MTAP: variants seen among roughly 807,000 people sequenced by gnomAD.
MTAP encodes S-methyl-5'-thioadenosine phosphorylase.
A neutral mutation model predicts 33.6 loss-of-function variants in MTAP; 33 were observed. The ratio of observed to expected loss-of-function variants is 0.98; its 90% CI spans 0.74 to 1.31. MTAP has a LOEUF of 1.31. MTAP is among the 40% of genes most tolerant of loss of function. The pLI is 0.00. For synonymous variants in MTAP, 148 were observed against 125.7 expected (o/e 1.18, Z -1.19); for missense variants, 367 against 360.0 (o/e 1.02, Z -0.16).
intron 1 of MTAP, among the ~76,000 whole-genome samples, chr9:21,909,018 AAATT>A (rs1818520946): frequency 1.3e-5 from 2 of 152,094 alleles, no homozygotes; most frequent in African/African-American, 4.8e-5. Context: ...CATAACAACA[AAATT>A]TAAGAAGAAA....
intron 1 of MTAP, among the ~76,000 whole-genome samples, chr9:21,897,555 G>T (rs1818317146): frequency 6.6e-6 from 1 of 152,158 alleles, no homozygotes; most frequent in African/African-American, 2.4e-5. Flanking sequence ...AAATCAATGT[G>T]AAAACATCAC....
At chr9:21,869,370 T>G (rs1244729507), downstream of MTAP, among the ~76,000 whole-genome samples, 1 of 152,228 alleles carries the variant, frequency 6.6e-6, no homozygotes, top group African/African-American at 2.4e-5. Flanking sequence ...TTTGATACAC[T>G]TGACCCCTTC....
intron 5 of MTAP, among the ~76,000 whole-genome samples, chr9:21,851,710 T>C (rs1366066922): frequency 6.6e-6 from 1 of 152,190 alleles, no homozygotes; most frequent in East Asian, 1.9e-4. Context: ...CCAAAGGAGA[T>C]TGACATTTGA....
chr9:21,853,691 A>G (rs1281717806), intron 5 of MTAP, among the ~76,000 whole-genome samples: 1 of 152,210 alleles, frequency 6.6e-6, no homozygotes, highest in African/African-American at 2.4e-5. Context: ...AGCTTAGTGC[A>G]TACAGTGTTT....
intron 1 of MTAP, among the ~76,000 whole-genome samples, chr9:21,894,747 A>G (rs1032118095): frequency 1.3e-5 from 2 of 151,682 alleles, no homozygotes; most frequent in African/African-American, 4.9e-5. Flanking sequence ...AAGTGTAATT[A>G]AAAAATATAT....
At chr9:21,897,408 G>A (rs1056544403) in intron 1 of MTAP, among the ~76,000 whole-genome samples, 2 of 152,176 alleles carry the variant, frequency 1.3e-5, no homozygotes, top group African/African-American at 2.4e-5. Context: ...AAGAAATAAA[G>A]GGTATCCAAT....
intron 1 of MTAP, among the ~76,000 whole-genome samples, chr9:21,927,242 T>G (rs1471550115): frequency 2.0e-5 from 3 of 152,196 alleles, no homozygotes; most frequent in Non-Finnish European, 4.4e-5. Flanking sequence ...TTAAAGAACC[T>G]AGACCCAGTA....
chr9:21,921,526 T>C (rs1818787711), intron 1 of MTAP, among the ~76,000 whole-genome samples: 1 of 152,200 alleles, frequency 6.6e-6, no homozygotes. Context: ...ACAGTGGTCA[T>C]TGTAAGAAAG....
intron 7 of MTAP, 102 bp from the exon 8 acceptor site, chr9:21,861,874 C>T (rs1052615203): frequency 3.7e-6 from 3 of 807,110 alleles, no homozygotes; most frequent in East Asian, 4.9e-5. Flanking sequence ...TTTCCTGCGT[C>T]CTCACTTTGA....
At chr9:21,893,741 A>G (rs1818237193) in intron 1 of MTAP, 1 of 152,140 alleles carries the variant, frequency 6.6e-6, no homozygotes, top group Admixed American at 6.5e-5. Context: ...GAGTTCCAAA[A>G]TTGAATCAGT....
chr9:21,802,819 C>T, intron 1 of MTAP, 38 bp downstream of exon 1: 1 of 1,611,222 alleles, frequency 6.2e-7, no homozygotes, highest in South Asian at 1.1e-5. Context: ...GTTCGCCCTG[C>T]CGGATGCCTT....
intron 4 of MTAP, among the ~76,000 whole-genome samples, chr9:21,820,492 A>C (rs1039383536): frequency 6.6e-6 from 1 of 152,074 alleles, no homozygotes; most frequent in African/African-American, 2.4e-5. Context: ...GTTCTGTTCC[A>C]TTGGTCTATA....
At chr9:21,837,740 C>A (rs1053533936) in intron 4 of MTAP, among the ~76,000 whole-genome samples, 168 bp from the exon 5 acceptor site, 1 of 152,092 alleles carries the variant, frequency 6.6e-6, no homozygotes, top group Non-Finnish European at 1.5e-5. Context: ...AAGCGGAATA[C>A]CACCCTGAAG....
intron 1 of MTAP, among the ~76,000 whole-genome samples, chr9:21,904,497 C>A (rs1359494676): frequency 2.0e-5 from 3 of 152,156 alleles, no homozygotes; most frequent in Non-Finnish European, 4.4e-5. Flanking sequence ...TCATCAAAAA[C>A]CACTTCTCTG....
chr9:21,852,465 G>A (rs1056567695), intron 5 of MTAP, among the ~76,000 whole-genome samples: 3 of 146,498 alleles, frequency 2.0e-5, no homozygotes, highest in Non-Finnish European at 3.0e-5. Context: ...AGCCAAGATC[G>A]CACTAATGCA....
At chr9:21,929,238 A>G (rs955915268) in intron 1 of MTAP, among the ~76,000 whole-genome samples, 1 of 152,300 alleles carries the variant, frequency 6.6e-6, no homozygotes, top group East Asian at 1.9e-4. Context: ...CTTGTGAGGC[A>G]CTGGAAGACC....
chr9:21,940,113 C>G (rs763008820), downstream of MTAP, among the ~76,000 whole-genome samples: 2 of 152,190 alleles, frequency 1.3e-5, no homozygotes, highest in East Asian at 1.9e-4. Flanking sequence ...CCTTAAGGAC[C>G]CTTAAGGAGA....
chr9:21,888,625 T>C (rs1183002417), intron 1 of MTAP, among the ~76,000 whole-genome samples: 4 of 140,370 alleles, frequency 2.8e-5, no homozygotes, highest in Non-Finnish European at 6.0e-5. Flanking sequence ...TTGTCTGATA[T>C]AAAAATAGCT....
intron 4 of MTAP, among the ~76,000 whole-genome samples, chr9:21,830,120 G>A (rs1449690740): frequency 6.6e-6 from 1 of 152,186 alleles, no homozygotes; most frequent in Non-Finnish European, 1.5e-5. Flanking sequence ...CAATTAAAGT[G>A]AAAATAATCA....
Sources: allele counts gnomAD v4.1 joint callset (sites outside exome capture counted in the v4.1 genomes callset), GRCh38; gene constraint gnomAD v4.1.1; transcripts MANE v1.5; gene names NCBI Gene and HGNC (gene_info 2026-07-23, HGNC 2026-07-21).